Variants in C11orf65 observed in about 807,000 individuals in gnomAD.
C11orf65 encodes the protein chromosome 11 open reading frame 65.
A neutral mutation model predicts 35.3 loss-of-function variants in C11orf65; 38 were observed. The ratio of observed to expected loss-of-function variants is 1.08; its 90% confidence interval spans 0.83 to 1.41. C11orf65 has a LOEUF of 1.41. C11orf65 is among the 40% of genes most tolerant of loss of function. C11orf65 has a pLI of 0.00. For missense variants in C11orf65, 370 were observed against 367.1 expected (o/e 1.01, Z -0.06); for synonymous variants, 105 against 114.4 (o/e 0.92, Z 0.53).
At chr11:108,333,000 A>G in intron 3 of C11orf65, 1 of 1,429,820 alleles carries the variant, frequency 7.0e-7, no homozygotes, top group Non-Finnish European at 9.6e-7. Context: ...GCTTAAAATC[A>G]CAAACGTAAT....
In C11orf65 at chr11:108,393,268, G is replaced by C. The variant is rs567078420; in HGVS notation, c.671C>G (p.Ser224Cys). 2 of 1,614,012 alleles carry C rather than the reference G, an allele frequency of 1.2e-6. No individual in the cohort carries two copies. The highest frequency in any genetic ancestry group is 2.7e-5 in the African/African-American group (2 of 75,018). The change falls in exon 7 of 9, where the codon TCT (serine) becomes TGT (cysteine). Residue 224 changes from serine to cysteine, a missense_variant. By Grantham distance (112) the Ser-to-Cys change is moderately radical. Coordinates refer to ENST00000393084, the MANE Select transcript of C11orf65 (RefSeq NM_152587.5). ...TTCATCCACTTCCCATTCCATCACA[G>C]AATCTATCCCCCCATCTTCAAAAGC... The part of the protein sequence containing the change: ...IRAFEDGGID[S>C]VMEWEVDEVL...
At chr11:108,449,690 A>T (rs1219106043) in intron 2 of C11orf65, among the ~76,000 whole-genome samples, 1 of 152,062 alleles carries the variant, frequency 6.6e-6, no homozygotes. Context: ...ACCCTGGAAG[A>T]AAACCTAGGC....
At chr11:108,335,644 G>C (rs1342739403) in intron 2 of C11orf65, among the ~76,000 whole-genome samples, 2 of 152,070 alleles carry the variant, frequency 1.3e-5, no homozygotes, top group African/African-American at 4.8e-5. Context: ...AAGTAGCGAG[G>C]GGAAACTTTC....
intron 2 of C11orf65, among the ~76,000 whole-genome samples, chr11:108,447,518 C>T (rs1438903678): frequency 3.3e-5 from 5 of 152,050 alleles, no homozygotes; most frequent in Non-Finnish European, 7.3e-5. Flanking sequence ...ACTGAACAAC[C>T]TGCTCCTGAA....
chr11:108,416,540 G>A (rs758633517), intron 3 of C11orf65, among the ~76,000 whole-genome samples: 14 of 151,930 alleles, frequency 9.2e-5, no homozygotes, highest in Non-Finnish European at 1.5e-4. Context: ...AAAATTAGAC[G>A]GGCGTGATGG....
At chr11:108,462,456 A>G (rs1056037817) in intron 1 of C11orf65, 3 of 152,254 alleles carry the variant, frequency 2.0e-5, no homozygotes, top group Non-Finnish European at 4.4e-5. Context: ...AGAGATGAGG[A>G]GCCTAGGCTT....
intron 2 of C11orf65, among the ~76,000 whole-genome samples, chr11:108,348,502 T>G (rs1350620115): frequency 6.6e-6 from 1 of 151,570 alleles, no homozygotes; most frequent in Non-Finnish European, 1.5e-5. Context: ...ATGAATTTAG[T>G]TTTGCTCATT....
chr11:108,312,489 A>C (rs1430297849), intron 6 of C11orf65: 2 of 1,562,768 alleles, frequency 1.3e-6, no homozygotes, highest in South Asian at 2.2e-5. Context: ...AAACTGGAAT[A>C]AGTTTACAGG....
intron 2 of C11orf65, among the ~76,000 whole-genome samples, chr11:108,336,763 C>T (rs78515145): frequency 0.013 from 1,954 of 152,226 alleles, 52 homozygotes; most frequent in African/African-American, 0.044. Flanking sequence ...TGGGAGTGTA[C>T]CCACTTACAT....
At chr11:108,452,837 C>A (rs1166378433) in intron 2 of C11orf65, among the ~76,000 whole-genome samples, 2 of 151,982 alleles carry the variant, frequency 1.3e-5, no homozygotes, top group Admixed American at 6.6e-5. Flanking sequence ...AGGATGAGTT[C>A]ATGTCCTTCG....
chr11:108,351,169 T>C (rs1022948556), intron 2 of C11orf65, among the ~76,000 whole-genome samples: 2 of 152,152 alleles, frequency 1.3e-5, no homozygotes, highest in Non-Finnish European at 2.9e-5. Context: ...CATGTATAAT[T>C]CCATTTACAT....
chr11:108,320,203 A>AT (rs35760012), intron 6 of C11orf65: 1 of 672,294 alleles, frequency 1.5e-6, no homozygotes, highest in East Asian at 2.7e-5. Flanking sequence ...TTTCCTTGTA[A>AT]TTCTCTGCCC....
chr11:108,464,481 C>A (rs1223309469), intron 1 of C11orf65, among the ~76,000 whole-genome samples: 2 of 152,136 alleles, frequency 1.3e-5, no homozygotes, highest in African/African-American at 2.4e-5. Context: ...CCTGCCTCAG[C>A]CTCCCAAGTA....
chr11:108,329,012 T>C (rs2136409178), downstream of C11orf65: 1 of 1,612,154 alleles, frequency 6.2e-7, no homozygotes, highest in African/African-American at 1.3e-5. Flanking sequence ...TGGTTGTGTT[T>C]TCTTGAAGGC....
At chr11:108,324,424 TCA>T in intron 6 of C11orf65, among the ~76,000 whole-genome samples, 1 of 152,300 alleles carries the variant, frequency 6.6e-6, no homozygotes, top group Admixed American at 6.5e-5. Context: ...TAGATTTTTC[TCA>T]GTCTTTCTAA....
chr11:108,406,637 A>G, intron 5 of C11orf65, 126 bp downstream of exon 5: 1 of 642,436 alleles, frequency 1.6e-6, no homozygotes, highest in Non-Finnish European at 2.4e-6. Context: ...AGCTAACTTA[A>G]GCAAAATTTA....
intron 2 of C11orf65, among the ~76,000 whole-genome samples, chr11:108,448,850 G>A (rs1180209832): frequency 2.0e-5 from 3 of 152,198 alleles, no homozygotes; most frequent in Non-Finnish European, 4.4e-5. Context: ...AATTGTCCCT[G>A]TTTGCAGACG....
At chr11:108,434,518 A>G (rs1263664042) in intron 2 of C11orf65, among the ~76,000 whole-genome samples, 2 of 151,744 alleles carry the variant, frequency 1.3e-5, no homozygotes. Flanking sequence ...AAAAAAAAAA[A>G]AGGAATGGAG....
intron 2 of C11orf65, among the ~76,000 whole-genome samples, chr11:108,435,695 C>T (rs1169646145): frequency 6.6e-6 from 1 of 152,150 alleles, no homozygotes; most frequent in Non-Finnish European, 1.5e-5. Flanking sequence ...GCTGCAGAAA[C>T]AGGTAGTATC....
Sources: gnomAD v4.1 joint callset for allele counts (sites outside exome capture counted in the v4.1 genomes callset) on GRCh38, gnomAD v4.1.1 for gene constraint, MANE v1.5 for transcripts, NCBI Gene and HGNC (gene_info 2026-07-23, HGNC 2026-07-21) for gene names.